Variants in NPM1 observed in about 807,000 individuals in gnomAD.
NPM1 encodes the protein nucleophosmin.
Under a neutral mutation model 44.1 loss-of-function variants are expected in NPM1, and 1 was observed. The observed-to-expected ratio is 0.02, with a 90% CI of 0.01 to 0.11. NPM1 has a LOEUF of 0.11. NPM1 is among the 10% of genes least tolerant of loss of function. The pLI is 1.00. For synonymous variants in NPM1, 126 were observed against 111.8 expected (o/e 1.13, Z -0.80); for missense variants, 197 against 347.8 (o/e 0.57, Z 3.45).
At chr5:171,400,764 T>C in intron 7 of NPM1, 75 bp from the exon 8 acceptor site, 1 of 991,926 alleles carries the variant, frequency 1.0e-6, no homozygotes. Flanking sequence ...CTGCTTGTCT[T>C]ACATGGCTTG....
At chr5:171,403,594 C>T (rs1204592144) in intron 8 of NPM1, among the ~76,000 whole-genome samples, 4 of 112,488 alleles carry the variant, frequency 3.6e-5, no homozygotes, top group Non-Finnish European at 7.8e-5. Flanking sequence ...TGGGCAGAGG[C>T]GCCCCTCACC....
intron 6 of NPM1, among the ~76,000 whole-genome samples, chr5:171,396,722 T>A (rs781405802): frequency 2.0e-5 from 3 of 152,308 alleles, no homozygotes; most frequent in Admixed American, 6.5e-5. Flanking sequence ...AGTTCACACC[T>A]GTAATCCCAG....
chr5:171,390,702 A>G (rs1389499214), intron 2 of NPM1, among the ~76,000 whole-genome samples: 1 of 149,948 alleles, frequency 6.7e-6, no homozygotes, highest in African/African-American at 2.4e-5. Context: ...AGATTATTAT[A>G]CCTTATTTTT....
intron 8 of NPM1, among the ~76,000 whole-genome samples, chr5:171,402,069 T>TTTTTA (rs1771230777): frequency 6.6e-6 from 1 of 151,000 alleles, no homozygotes; most frequent in East Asian, 1.9e-4. Flanking sequence ...TTTTTTTTTT[T>TTTTTA]AACCTGATGA....
In NPM1 at chr5:171,392,926, C is replaced by G. The variant is rs1561865755; in HGVS notation, c.472C>G (p.Leu158Val). 2 of 1,611,424 alleles carry G rather than the reference C, an allele frequency of 1.2e-6. No individual in the cohort carries two copies. The highest frequency in any genetic ancestry group is 4.5e-5 in the East Asian group (2 of 44,846). The stretch of plus-strand genomic sequence containing the variant: ...TTTCTTTTAAAAGAAAAAAGTAAAA[C>G]TTGCTGCTGATGAAGATGATGACGA... ...GSKVPQKKVK[L>V]AADEDDDDDD... Residue 158 changes from leucine (L) to valine (V), a missense_variant, in exon 6 of 11, where the codon CTT (leucine) becomes GTT (valine). Physicochemically the swap from Leu to Val is conservative, Grantham distance 32. Transcript: ENST00000296930.
At chr5:171,409,182 G>C (rs1561877757) in intron 10 of NPM1, among the ~76,000 whole-genome samples, 2 of 152,156 alleles carry the variant, frequency 1.3e-5, no homozygotes, top group Non-Finnish European at 2.9e-5. Flanking sequence ...GGAATAAATA[G>C]TAAATGTTTA....
intron 9 of NPM1, 32 bp downstream of exon 9, chr5:171,405,435 T>TC (rs779338475): frequency 4.1e-6 from 4 of 983,962 alleles, no homozygotes; most frequent in African/African-American, 3.2e-5. Context: ...AAACTTTGTC[T>TC]CCCCCCTCAA....
At chr5:171,406,647 T>G in intron 9 of NPM1, 1 of 1,311,878 alleles carries the variant, frequency 7.6e-7, no homozygotes, top group Non-Finnish European at 9.7e-7. Context: ...TTTCTATTAC[T>G]TGTGCATTTG....
At chr5:171,388,068 T>TGGGGGGGGGGG in intron 1 of NPM1, 62 bp downstream of exon 1, 1 of 719,952 alleles carries the variant, frequency 1.4e-6, no homozygotes, top group Non-Finnish European at 2.3e-6. Context: ...AGGGTGGGGG[T>TGGGGGGGGGGG]GAGGGGCGGG....
rs1486805401 is a variant in NPM1, at chr5:171,407,692, C to T, written c.772-8C>T. 1.3e-6 allele frequency: 2 copies of T among 1,558,464 alleles called. No homozygotes were observed. The highest frequency in any genetic ancestry group is 1.4e-5 in the African/African-American group (1 of 73,722). ...TACTTACCTGTAATAATGCTTTTGT[C>T]TTAATAGGGTGGTTCTCTTCCCAAA... On this transcript the variant is annotated splice_polypyrimidine_tract_variant and splice_region_variant and intron_variant, in intron 9 of 10. Transcript: ENST00000296930.
chr5:171,396,684 T>G (rs1770904702), intron 6 of NPM1, among the ~76,000 whole-genome samples: 2 of 152,178 alleles, frequency 1.3e-5, no homozygotes, highest in Non-Finnish European at 2.9e-5. Flanking sequence ...TCGATTTGAT[T>G]ACTCCCCTCC....
chr5:171,405,630 G>C lies in NPM1; in HGVS notation c.771+227G>C, dbSNP rs1771523596. The C allele has an allele frequency of 1.6e-5, 8 of 515,480 alleles. No individual in the cohort carries two copies. In the South Asian group the frequency reaches 1.8e-4, roughly 11 times the overall value. The allele number at this position is 515,480 out of a possible 1,614,324, so 31.9% of individuals were successfully genotyped here. Reference sequence around the variant, plus strand: ...TATGCCTTATTTTCCATTATGCAAGGAACGTAGTGCACTGGTTGCAAGATA... The same window carrying C: ...TATGCCTTATTTTCCATTATGCAAGCAACGTAGTGCACTGGTTGCAAGATA... On this transcript the variant is annotated intron_variant, in intron 9 of 10. Coordinates refer to ENST00000296930, the MANE Select transcript of NPM1 (RefSeq NM_002520.7).
chr5:171,394,766 T>C (rs1434230645), intron 6 of NPM1, among the ~76,000 whole-genome samples: 1 of 152,196 alleles, frequency 6.6e-6, no homozygotes, highest in Non-Finnish European at 1.5e-5. Context: ...ATAAAATAAG[T>C]GTTTAATAGC....
chr5:171,395,651 A>C (rs1047076163), intron 6 of NPM1, among the ~76,000 whole-genome samples: 1 of 152,190 alleles, frequency 6.6e-6, no homozygotes, highest in African/African-American at 2.4e-5. Context: ...TATTAATAGA[A>C]ACTTCAGTGG....
At chr5:171,389,598 TCTTTTA>T (rs1770466493) in intron 1 of NPM1, among the ~76,000 whole-genome samples, 1 of 152,230 alleles carries the variant, frequency 6.6e-6, no homozygotes, top group African/African-American at 2.4e-5. Context: ...AAACTTCGGT[TCTTTTA>T]CTTTTGTCAT....
chr5:171,400,762 CT>C, intron 7 of NPM1, 76 bp from the exon 8 acceptor site: 1 of 963,526 alleles, frequency 1.0e-6, no homozygotes, highest in Non-Finnish European at 1.7e-6. Context: ...TGCTGCTTGT[CT>C]TACATGGCTT....
intron 6 of NPM1, 80 bp downstream of exon 6, chr5:171,393,058 G>GTT: frequency 2.7e-6 from 4 of 1,508,310 alleles, no homozygotes; most frequent in Non-Finnish European, 3.6e-6. Context: ...ATGCATGAGG[G>GTT]TTTTATAAAA....
chr5:171,408,613 G>A (rs1161404943), intron 10 of NPM1, among the ~76,000 whole-genome samples: 1 of 152,132 alleles, frequency 6.6e-6, no homozygotes, highest in Non-Finnish European at 1.5e-5. Flanking sequence ...AAGTTGTAGT[G>A]ATGGGCTATA....
upstream of NPM1, among the ~76,000 whole-genome samples, chr5:171,387,409 G>A (rs1400067270): frequency 1.3e-5 from 2 of 152,200 alleles, no homozygotes; most frequent in African/African-American, 4.8e-5. Flanking sequence ...ACTAGGGGAT[G>A]GGGAAAGGTG....
Sources: allele counts gnomAD v4.1 joint callset (sites outside exome capture counted in the v4.1 genomes callset), GRCh38; gene constraint gnomAD v4.1.1; transcripts MANE v1.5; gene names NCBI Gene and HGNC (gene_info 2026-07-23, HGNC 2026-07-21).